TAF1C: variants seen among roughly 807,000 people sequenced by gnomAD.
The protein encoded by TAF1C is TATA box-binding protein-associated factor RNA polymerase I subunit C.
TAF1C carries 79 observed loss-of-function variants against 70.5 expected under a neutral mutation model. That is an observed-to-expected ratio of 1.12 (90% CI 0.93 to 1.35). The LOEUF is 1.35. Among genes scored for constraint, TAF1C ranks in the 40% most tolerant of loss-of-function variants. TAF1C has a pLI of 0.00. For missense variants in TAF1C, 1,412 were observed against 1,127.8 expected (o/e 1.25, Z -3.61); for synonymous variants, 614 against 491.1 (o/e 1.25, Z -3.31).
In TAF1C at chr16:84,178,991, C is replaced by T. The variant is rs61753438; in HGVS notation, c.2482G>A (p.Val828Ile). 3.1e-4 allele frequency: 492 copies of T among 1,610,714 alleles called. 5 individuals carry two copies. In the African/African-American group the frequency reaches 5.3e-3, roughly 17 times the overall value. ...RATRSQQHTP[V>I]LSSSQPLRKK... is the part of the protein sequence containing the mutation. ...CGGAGGGGCTGAGAGCTAGAGAGGA[C>T]GGGTGTGTGCTGCTGGGAGCGAGTG... The change falls in exon 15 of 15, where the codon GTC becomes ATC. Residue 828 changes from valine (V) to isoleucine (I), a missense_variant. Physicochemically the swap from Val to Ile is conservative, Grantham distance 29 (BLOSUM62 3). Coordinates refer to ENST00000566732, the MANE Select transcript of TAF1C (RefSeq NM_001243156.2).
chr16:84,180,731 C>G, intron 12 of TAF1C: 1 of 1,151,656 alleles, frequency 8.7e-7, no homozygotes. Context: ...TTCCTCAGAG[C>G]CCCCGCCTCC....
At chr16:84,181,687 A>G (rs751512868) in intron 9 of TAF1C, 24 bp from the exon 10 acceptor site, 3 of 1,613,938 alleles carry the variant, frequency 1.9e-6, no homozygotes, top group Non-Finnish European at 2.5e-6. Flanking sequence ...ATGCATTCAC[A>G]TCGGGCTGCT....
chr16:84,180,363 G>C lies in TAF1C; in HGVS notation c.1309-19C>G, dbSNP rs186016606. On this transcript the variant is annotated intron_variant, in intron 12 of 14. Coordinates refer to ENST00000566732, the MANE Select transcript of TAF1C (RefSeq NM_001243156.2). ...GAGAGAACTGGGGCCCGAGAAGGAA[G>C]GGGGATGTGGCCGAACTTGGGAGCT... 2.5e-5 allele frequency: 39 copies of C among 1,531,478 alleles called. No individual in the cohort carries two copies. The East Asian group carries it at 7.1e-4, about 28-fold the overall frequency. 94.9% of individuals were successfully genotyped at this position (1,531,478 alleles called of 1,614,324 possible).
At chr16:84,185,878 C>T (rs1012595574) in intron 1 of TAF1C, among the ~76,000 whole-genome samples, 5 of 151,716 alleles carry the variant, frequency 3.3e-5, no homozygotes, top group African/African-American at 1.2e-4. Flanking sequence ...GTAGCCTGGG[C>T]AACAAGAGCG....
At chr16:84,180,847 T>G (rs907716125) in intron 12 of TAF1C, 196 bp downstream of exon 12, 2 of 1,397,012 alleles carry the variant, frequency 1.4e-6, no homozygotes, top group African/African-American at 1.4e-5. Flanking sequence ...GGGGAGGCCC[T>G]GGGAGAGCTT....
chr16:84,180,271 G>A lies in TAF1C; in HGVS notation c.1382C>T (p.Pro461Leu), dbSNP rs556028031. The A allele has an allele frequency of 6.5e-6, 10 of 1,548,964 alleles. No homozygotes were observed. The highest frequency in any genetic ancestry group is 2.7e-5 in the African/African-American group (2 of 73,038). ...MLKWNHGLPS[P>L]LLLARLLPPP... ...AGGCAGCAGTCGGGCCAGCAGGAGC[G>A]GGGAGGGGAGGCCATGGTTCCACTT... The change falls in exon 13 of 15, where the codon CCG becomes CTG. Residue 461 changes from proline to leucine, a missense_variant. Physicochemically the swap from Pro to Leu is moderately conservative, Grantham distance 98. Transcript: ENST00000566732.
At position 84,182,819 on chromosome 16, in the gene TAF1C, G is replaced by C. The variant is rs1276453171; in HGVS notation, c.482+257C>G. Among the ~76,000 whole-genome samples the C allele has an allele frequency of 6.6e-6, 1 of 152,192 alleles. No individual in the cohort carries two copies. The highest frequency in any genetic ancestry group is 2.4e-5 in the African/African-American group (1 of 41,450). On this transcript the variant is annotated intron_variant, in intron 6 of 14. Coordinates refer to ENST00000566732, the MANE Select transcript of TAF1C (RefSeq NM_001243156.2). This position sits in a 1 kb window ranked among gnomAD's most constrained non-coding sequence, Gnocchi z 5.0. ...TGTGCAGGGAGAGGCAAGTGGACGA[G>C]ACAGGAAAGAGAGACACAGCTCTAT...
At position 84,177,931 on chromosome 16, in the gene TAF1C, T is replaced by G; in HGVS notation, c.*1010A>C. 9.1e-7 allele frequency: 1 copy of G among 1,093,134 alleles called. No homozygotes were observed. The highest frequency in any genetic ancestry group is 1.3e-5 in the South Asian group (1 of 78,312). The allele number at this position is 1,093,134 out of a possible 1,614,324, so 67.7% of individuals were successfully genotyped here. On this transcript the variant is annotated 3_prime_UTR_variant, in exon 15 of 15. Coordinates refer to ENST00000566732, the MANE Select transcript of TAF1C (RefSeq NM_001243156.2). ...ATTTTAACACCCACGCGAGTCAGTG[T>G]ATGATTGGGCTAGCTCCTGTTTGTG... is the stretch of plus-strand genomic sequence containing the variant.
At position 84,181,217 on chromosome 16, in the gene TAF1C, C is replaced by A. The variant is rs367838976; in HGVS notation, c.1165-31G>T. ...AGATAAACACAGGGTCAGCCCTCCCCACAGTCCCAGGCCGGTGACGCTGTC... is the reference window on the plus strand; with the variant it reads ...AGATAAACACAGGGTCAGCCCTCCCAACAGTCCCAGGCCGGTGACGCTGTC... On this transcript the variant is annotated intron_variant, in intron 11 of 14. Coordinates refer to ENST00000566732, the MANE Select transcript of TAF1C (RefSeq NM_001243156.2). The A allele has an allele frequency of 1.0e-3, 1,628 of 1,594,054 alleles. 2 individuals are homozygous for A. Among genetic ancestry groups the A allele is most frequent in the Non-Finnish European group, 1.3e-3 (1,509 of 1,165,086 alleles).
Position 84,183,346 on chromosome 16 carries a change from G to C in TAF1C, c.319-13C>G. On this transcript the variant is annotated splice_polypyrimidine_tract_variant and intron_variant, in intron 4 of 14. Transcript: ENST00000566732. ...GGAACCGGCTGATCTGGGGAGAAGAGGAGGCCAGGTCACTAAGCACAGTCT... is the reference window on the plus strand; with the variant it reads ...GGAACCGGCTGATCTGGGGAGAAGACGAGGCCAGGTCACTAAGCACAGTCT... 6.2e-7 allele frequency: 1 copy of C among 1,613,968 alleles called. No homozygotes were observed. Among genetic ancestry groups the C allele is most frequent in the East Asian group, 2.2e-5 (1 of 44,876 alleles).
Position 84,181,805 on chromosome 16 carries a change from C to G in TAF1C, c.897G>C (p.Trp299Cys). Residue 299 changes from tryptophan (W) to cysteine (C), a missense_variant, in exon 9 of 15, where the codon TGG (tryptophan) becomes TGC (cysteine). Transcript: ENST00000566732. ...HCAVWKFGKQ[W>C]QPTLLQAMQV... is the part of the protein sequence containing the mutation. ...GCATTGCCTGCAGAAGGGTTGGCTG[C>G]CACTGTTTACCAAACTTCCACACGG... 1 of 1,614,148 alleles carries G rather than the reference C, an allele frequency of 6.2e-7. No homozygotes were observed. Among genetic ancestry groups the G allele is most frequent in the Non-Finnish European group, 8.5e-7 (1 of 1,180,028 alleles).
At position 84,179,545 on chromosome 16, in the gene TAF1C, A is replaced by G; in HGVS notation, c.1928T>C (p.Leu643Pro). The change falls in exon 15 of 15, where the codon CTG (leucine) becomes CCG (proline). Residue 643 changes from leucine (L) to proline (P), a missense_variant. By Grantham distance (98) the Leu-to-Pro change is moderately conservative. Transcript: ENST00000566732. ...CTGCCCTTCCTCTTCCTCCCTCCGC[A>G]GCTCTGTGCTGCCCAGCATCTGGCG... ...THRQMLGSTE[L>P]RREEEEGQRL... The G allele has an allele frequency of 6.2e-7, 1 of 1,610,948 alleles. No homozygotes were observed. The highest frequency in any genetic ancestry group is 1.1e-5 in the South Asian group (1 of 91,070).
rs1445869157 is a variant in TAF1C at position 84,183,321 on chromosome 16, G to A, written c.331C>T (p.Leu111Phe). ...LDVTEQISRF[L>F]LDHGDVAFAP... ...AAGGCTACGTCTCCATGATCCAAGA[G>A]GAACCGGCTGATCTGGGGAGAAGAG... The change falls in exon 5 of 15, where the codon CTC (leucine) becomes TTC (phenylalanine). Residue 111 changes from leucine (L) to phenylalanine (F), a missense_variant. Transcript: ENST00000566732. 1 of 1,614,002 alleles carries A rather than the reference G, an allele frequency of 6.2e-7. No individual in the cohort carries two copies. Among genetic ancestry groups the A allele is most frequent in the Non-Finnish European group, 8.5e-7 (1 of 1,180,032 alleles).
At chr16:84,186,099 G>A (rs4150118) in intron 1 of TAF1C, among the ~76,000 whole-genome samples, 3,919 of 152,334 alleles carry the variant, frequency 0.026, 147 homozygotes, top group African/African-American at 0.089. Flanking sequence ...CCTGTTAACA[G>A]AGTTCAGGAA....
At position 84,183,459 on chromosome 16, in the gene TAF1C, C is replaced by A; in HGVS notation, c.269G>T (p.Gly90Val). Residue 90 changes from glycine to valine, a missense_variant, in exon 4 of 15, where the codon GGG becomes GTG. By Grantham distance (109) the Gly-to-Val change is moderately radical. Coordinates refer to ENST00000566732, the MANE Select transcript of TAF1C (RefSeq NM_001243156.2). ...TCGGGGCCGCTTCCGATACCGGCAC[C>A]CTCCGCGGAAAAGCAGGTCCCGGGC... ...LTARDLLFRG[G>V]CRYRKRPRVV... The A allele has an allele frequency of 6.2e-7, 1 of 1,612,154 alleles. No homozygotes were observed. Among genetic ancestry groups the A allele is most frequent in the Non-Finnish European group, 8.5e-7 (1 of 1,179,196 alleles).
intron 3 of TAF1C, 78 bp downstream of exon 3, chr16:84,183,619 G>T: frequency 6.5e-7 from 1 of 1,548,264 alleles, no homozygotes; most frequent in Non-Finnish European, 8.8e-7. Flanking sequence ...AGCAGGGAGA[G>T]GAAGGTCTCA....
rs1184054813 is a variant in TAF1C, at chr16:84,178,937, G to C, written c.*4C>G. 5 of 1,589,276 alleles carry C rather than the reference G, an allele frequency of 3.1e-6. No homozygotes were observed. The Admixed American group carries it at 7.0e-5, about 22-fold the overall frequency. The stretch of plus-strand genomic sequence containing the variant: ...GGGGCTTGAGGGCAGCCCACCTTGT[G>C]TCCTCAGAAGCCCATTCGAGGCTTC... On this transcript the variant is annotated 3_prime_UTR_variant, in exon 15 of 15. Transcript: ENST00000566732.
At position 84,181,324 on chromosome 16, in the gene TAF1C, G is replaced by A. The variant is rs4150152; in HGVS notation, c.1164+4C>T. 175 of 1,613,110 alleles carry A rather than the reference G, an allele frequency of 1.1e-4. No homozygotes were observed. The African/African-American group carries it at 1.8e-3, about 16-fold the overall frequency. ...GGGGTGGGTCCTCTGCCGCCAGCCC[G>A]TACCTGAGTGTCCAGCATCTTCACT... is the stretch of plus-strand genomic sequence containing the variant. On this transcript the variant is annotated splice_donor_region_variant and intron_variant, in intron 11 of 14. Coordinates refer to ENST00000566732, the MANE Select transcript of TAF1C (RefSeq NM_001243156.2).
At position 84,184,418 on chromosome 16, in the gene TAF1C, G is replaced by A. The variant is rs118046880; in HGVS notation, c.138+433C>T. On this transcript the variant is annotated intron_variant, in intron 2 of 14. Transcript: ENST00000566732. ...GGCGGCTGAGGATTCCAAGCAAAGG[G>A]CCAGTGTCCCTCCAGAGGCAGCAGA... Among the ~76,000 whole-genome samples the A allele has an allele frequency of 6.6e-5, 10 of 152,290 alleles. No homozygotes were observed. In the East Asian group the frequency reaches 1.9e-3, roughly 29 times the overall value.
Sources: allele counts gnomAD v4.1 joint callset (sites outside exome capture counted in the v4.1 genomes callset), GRCh38; gene constraint gnomAD v4.1.1; non-coding constraint Gnocchi (gnomAD v3.1); transcripts MANE v1.5; gene names NCBI Gene and HGNC (gene_info 2026-07-23, HGNC 2026-07-21).